The following UBR1 variants were observed in gnomAD, a reference collection of about 807,000 sequenced individuals.
UBR1 encodes E3 ubiquitin-protein ligase UBR1.
In UBR1, 102 loss-of-function variants were observed where a neutral mutation model predicts 242.1. The ratio of observed to expected loss-of-function variants is 0.42; its 90% CI spans 0.36 to 0.50. The LOEUF is 0.50. Ranked by LOEUF, UBR1 falls within the 20% of genes least tolerant of loss-of-function variation. The pLI is 0.01. For synonymous variants in UBR1, 675 were observed against 684.8 expected (o/e 0.99, Z 0.22); for missense variants, 1,772 against 2,101.8 (o/e 0.84, Z 3.07).
intron 29 of UBR1, among the ~76,000 whole-genome samples, chr15:43,012,267 A>G (rs1470425222): frequency 6.6e-6 from 1 of 152,098 alleles, no homozygotes. Context: ...AGTGACATGT[A>G]CTGATATCAA....
Position 43,036,159 on chromosome 15 carries a change from T to A in UBR1, c.2190+19A>T. The stretch of plus-strand genomic sequence containing the variant: ...ATATTTCCTTTAAAATTAATTCACA[T>A]AATTTACAGGTTGTATACCTGGTCT... On this transcript the variant is annotated intron_variant, in intron 19 of 46. Coordinates refer to ENST00000290650, the MANE Select transcript of UBR1 (RefSeq NM_174916.3). 6.5e-7 allele frequency: 1 copy of A among 1,548,582 alleles called. No individual in the cohort carries two copies. The highest frequency in any genetic ancestry group is 2.3e-5 in the East Asian group (1 of 44,398).
intron 26 of UBR1, 134 bp downstream of exon 26, chr15:43,022,568 C>T: frequency 1.9e-6 from 1 of 535,156 alleles, no homozygotes; most frequent in Non-Finnish European, 3.2e-6. Flanking sequence ...AAAATTATTT[C>T]AGGGTTACCT....
chr15:43,078,212 G>A (rs1347257970), intron 3 of UBR1, among the ~76,000 whole-genome samples: 1 of 152,196 alleles, frequency 6.6e-6, no homozygotes, highest in Non-Finnish European at 1.5e-5. Context: ...AAGAAAGTGA[G>A]AAGGACAAGA....
Position 43,059,817 on chromosome 15 carries a change from T to G in UBR1, c.870A>C (p.Ser290=). 6.2e-7 allele frequency: 1 copy of G among 1,614,042 alleles called. No homozygotes were observed. Among genetic ancestry groups the G allele is most frequent in the Non-Finnish European group, 8.5e-7 (1 of 1,179,912 alleles). Residue 290 remains serine, a synonymous_variant, in exon 8 of 47, where the codon TCA becomes TCC. Transcript: ENST00000290650. The part of the protein sequence containing the change: ...QEAKEDIKSH[S]ENVSQHPLHV... ...GAAGTGGATGTTGAGAGACATTTTCTGAATGACTCTACAAATGAAGGGAAC... is the reference window on the plus strand; with the variant it reads ...GAAGTGGATGTTGAGAGACATTTTCGGAATGACTCTACAAATGAAGGGAAC...
chr15:43,068,089 T>TAAAAAAAAAAAAAAAAAAAAAAAAA, intron 5 of UBR1, 53 bp from the exon 6 acceptor site: 2 of 787,320 alleles, frequency 2.5e-6, no homozygotes, highest in Admixed American at 4.2e-5. Flanking sequence ...AAAGGAAAAG[T>TAAAAAAAAAAAAAAAAAAAAAAAAA]AAAAAAAAAA....
rs2031824923 is a variant in UBR1, at chr15:42,951,011, G to GT, written c.5007-649dup. Among the ~76,000 whole-genome samples, 5 of 152,152 alleles carry GT rather than the reference G, an allele frequency of 3.3e-5. No individual in the cohort carries two copies. In the South Asian group the frequency reaches 1.0e-3, roughly 32 times the overall value. ...CTTGCTGTGGGTTCCCTAAAAATAG[G>GT]TGTTTGGGTTTGGCTTCCATACATT... On this transcript the variant is annotated intron_variant, in intron 45 of 46. Coordinates refer to ENST00000290650, the MANE Select transcript of UBR1 (RefSeq NM_174916.3).
At chr15:42,998,916 G>A (rs2032679988) in intron 32 of UBR1, among the ~76,000 whole-genome samples, 1 of 148,042 alleles carries the variant, frequency 6.8e-6, no homozygotes, top group African/African-American at 2.5e-5. Flanking sequence ...TGATCATGGG[G>A]TTCCAAACTT....
chr15:42,995,560 C>T (rs953480412), intron 33 of UBR1, among the ~76,000 whole-genome samples: 4 of 151,606 alleles, frequency 2.6e-5, no homozygotes, highest in African/African-American at 9.7e-5. Flanking sequence ...CCCAGCTACT[C>T]GAGAGGTTGA....
intron 1 of UBR1, among the ~76,000 whole-genome samples, chr15:43,102,948 C>A (rs966559477): frequency 2.0e-5 from 3 of 152,164 alleles, no homozygotes; most frequent in Non-Finnish European, 4.4e-5. Flanking sequence ...GCAGATGGAT[C>A]ACTTGAGGTC....
At chr15:43,031,627 A>G (rs1289690076) in intron 20 of UBR1, among the ~76,000 whole-genome samples, 2 of 152,222 alleles carry the variant, frequency 1.3e-5, no homozygotes, top group Non-Finnish European at 2.9e-5. Context: ...ATCCATGTTT[A>G]CAGACTTAGG....
chr15:43,032,148 G>A (rs2033266111), intron 20 of UBR1, among the ~76,000 whole-genome samples: 3 of 152,186 alleles, frequency 2.0e-5, no homozygotes, highest in Admixed American at 6.5e-5. Flanking sequence ...TTAGAATATA[G>A]TGTTTCTGCA....
chr15:43,071,035 G>T (rs1178678863), intron 4 of UBR1, 110 bp from the exon 5 acceptor site: 2 of 1,398,526 alleles, frequency 1.4e-6, no homozygotes, highest in Non-Finnish European at 2.0e-6. Context: ...TTACAACATC[G>T]TCCAGGAATG....
At chr15:42,946,993 C>A (rs1257540430) in intron 46 of UBR1, among the ~76,000 whole-genome samples, 6 of 151,582 alleles carry the variant, frequency 4.0e-5, no homozygotes, top group Non-Finnish European at 8.8e-5. Context: ...ACTAAAAATA[C>A]AAAAAAAATT....
chr15:43,091,962 T>A, intron 1 of UBR1: 1 of 438,248 alleles, frequency 2.3e-6, no homozygotes, highest in Admixed American at 2.5e-5. Flanking sequence ...GGCACATACC[T>A]GTGGTCCCAG....
chr15:42,951,428 T>G (rs1289027954), intron 45 of UBR1, among the ~76,000 whole-genome samples: 1 of 152,206 alleles, frequency 6.6e-6, no homozygotes, highest in African/African-American at 2.4e-5. Flanking sequence ...TTCACCACGT[T>G]GGCCAGGCTG....
rs1473079298 is a variant in UBR1, at chr15:43,056,328, A to T, written c.1281+16T>A. On this transcript the variant is annotated intron_variant, in intron 11 of 46. Coordinates refer to ENST00000290650, the MANE Select transcript of UBR1 (RefSeq NM_174916.3). ...GTTTTACTTAGAAAGACTGAAAAGG[A>T]ATAATCAATACATACCAGAGTAGGA... 1 of 1,566,842 alleles carries T rather than the reference A, an allele frequency of 6.4e-7. No individual in the cohort carries two copies. Among genetic ancestry groups the T allele is most frequent in the Admixed American group, 1.7e-5 (1 of 59,878 alleles).
rs2031712098 is a variant in UBR1 at position 42,945,241 on chromosome 15, T to C, written c.*88A>G. ...CATGGAGCAAAAGACCCTCCAATAC[T>C]TTCCCAGCCCTCAGAAAGTTTTCCA... On this transcript the variant is annotated 3_prime_UTR_variant, in exon 47 of 47. Transcript: ENST00000290650. 13 of 1,592,504 alleles carry C rather than the reference T, an allele frequency of 8.2e-6. No individual in the cohort carries two copies. In the South Asian group the frequency reaches 9.0e-5, roughly 11 times the overall value.
intron 44 of UBR1, 83 bp downstream of exon 44, chr15:42,957,930 A>C: frequency 1.7e-6 from 2 of 1,148,642 alleles, no homozygotes; most frequent in Non-Finnish European, 1.3e-6. Context: ...AAAACAAGGA[A>C]GTGTGTTAGT....
At chr15:42,955,325 T>C (rs550742612) in intron 44 of UBR1, among the ~76,000 whole-genome samples, 2 of 152,164 alleles carry the variant, frequency 1.3e-5, no homozygotes, top group East Asian at 3.9e-4. Context: ...AATGTAAGAG[T>C]TATGTGTATT....
Sources: allele counts gnomAD v4.1 joint callset (sites outside exome capture counted in the v4.1 genomes callset), GRCh38; gene constraint gnomAD v4.1.1; transcripts MANE v1.5; gene names NCBI Gene and HGNC (gene_info 2026-07-23, HGNC 2026-07-21).